DLG1: variants seen among roughly 807,000 people sequenced by gnomAD.
The protein encoded by DLG1 is disks large homolog 1.
In DLG1, 42 loss-of-function variants were observed where a neutral mutation model predicts 123.4. The observed-to-expected ratio is 0.34, with a 90% CI of 0.27 to 0.44. DLG1 has a LOEUF of 0.44. Among genes scored for constraint, DLG1 ranks in the 20% least tolerant of loss-of-function variants. DLG1 has a pLI of 1.00. For missense variants in DLG1, 942 were observed against 1,082.6 expected, an observed-to-expected ratio of 0.87 and a Z score of 1.82; for synonymous variants, 317 against 356.2, an observed-to-expected ratio of 0.89 and a Z score of 1.24.
chr3:197,224,399 G>A (rs887552103), intron 4 of DLG1, among the ~76,000 whole-genome samples: 9 of 152,132 alleles, frequency 5.9e-5, no homozygotes, highest in Middle Eastern at 6.8e-3. Flanking sequence ...ATTTTTTACA[G>A]TGATTAGCTT....
At chr3:197,149,198 C>T (rs1490256466) in intron 6 of DLG1, among the ~76,000 whole-genome samples, 1 of 152,144 alleles carries the variant, frequency 6.6e-6, no homozygotes, top group East Asian at 1.9e-4. Context: ...TACCTATTAG[C>T]AGTCACTCCC....
intron 22 of DLG1, among the ~76,000 whole-genome samples, chr3:197,060,290 C>A (rs948257617): frequency 6.6e-6 from 1 of 152,132 alleles, no homozygotes; most frequent in South Asian, 2.1e-4. Flanking sequence ...TAGAGCTCCC[C>A]CGCCGTTCCC....
rs1312642268 is a variant in DLG1 at position 197,215,139 on chromosome 3, C to A, written c.319-20550G>T. On this transcript the variant is annotated intron_variant, in intron 4 of 24. Coordinates refer to ENST00000667157, the MANE Select transcript of DLG1 (RefSeq NM_001366207.1). ...TACAAATGATATTACTATTTGTATA[C>A]AAATACAATTAAAACTGGTATTATT... 8.5e-5 allele frequency among the ~76,000 whole-genome samples: 13 copies of A among 152,150 alleles called. No individual in the cohort carries two copies. In the East Asian group the frequency reaches 2.1e-3, roughly 25 times the overall value.
At chr3:197,224,869 A>G (rs1487475472) in intron 4 of DLG1, among the ~76,000 whole-genome samples, 1 of 152,230 alleles carries the variant, frequency 6.6e-6, no homozygotes, top group Admixed American at 6.5e-5. Flanking sequence ...GTTCGATTCA[A>G]AACAATACCT....
At chr3:197,150,315 C>T (rs921099904) in intron 5 of DLG1, among the ~76,000 whole-genome samples, 3 of 151,980 alleles carry the variant, frequency 2.0e-5, no homozygotes, top group Non-Finnish European at 4.4e-5. Flanking sequence ...TTATTTTCAG[C>T]TGCAATGACT....
intron 5 of DLG1, among the ~76,000 whole-genome samples, chr3:197,169,695 A>T (rs779070596): frequency 3.5e-4 from 54 of 152,318 alleles, no homozygotes; most frequent in Non-Finnish European, 6.5e-4. Flanking sequence ...TTACATTAAC[A>T]CGTTATATGA....
intron 14 of DLG1, among the ~76,000 whole-genome samples, chr3:197,099,453 T>C (rs1196524223): frequency 1.3e-5 from 2 of 152,226 alleles, no homozygotes; most frequent in Non-Finnish European, 2.9e-5. Flanking sequence ...GCTATAATTT[T>C]ACATAAGAGA....
At chr3:197,230,998 A>G (rs938687769) in intron 4 of DLG1, among the ~76,000 whole-genome samples, 5 of 152,250 alleles carry the variant, frequency 3.3e-5, no homozygotes, top group South Asian at 4.1e-4. Context: ...ACTAGTTGCT[A>G]TAACACCTAA....
chr3:197,257,297 A>T (rs928236541), intron 4 of DLG1, among the ~76,000 whole-genome samples: 3 of 152,158 alleles, frequency 2.0e-5, no homozygotes, highest in African/African-American at 7.2e-5. Flanking sequence ...ATAAACCAAA[A>T]CAATTCAACA....
chr3:197,099,574 T>A (rs1762384670), intron 14 of DLG1, among the ~76,000 whole-genome samples: 1 of 152,206 alleles, frequency 6.6e-6, no homozygotes, highest in African/African-American at 2.4e-5. Context: ...TATACGCTTA[T>A]ACAAGGAGAG....
chr3:197,279,220 AAAGTAGC>A (rs1188526613), intron 4 of DLG1, among the ~76,000 whole-genome samples: 1 of 152,210 alleles, frequency 6.6e-6, no homozygotes, highest in East Asian at 1.9e-4. Context: ...GCACCTTCAA[AAAGTAGC>A]AATTAAATCC....
chr3:197,059,902 T>C lies in DLG1; in HGVS notation c.2470A>G (p.Met824Val), dbSNP rs1338921032. 1 of 1,611,672 alleles carries C rather than the reference T, an allele frequency of 6.2e-7. No homozygotes were observed. Among genetic ancestry groups the C allele is most frequent in the East Asian group, 2.2e-5 (1 of 44,782 alleles). The change falls in exon 23 of 25, where the codon ATG becomes GTG. Residue 824 changes from methionine (M) to valine (V), a missense_variant. Met to Val is a conservative substitution (Grantham distance 21, BLOSUM62 1). Transcript: ENST00000667157. The part of the protein sequence containing the change: ...PISIFIKPKS[M>V]ENIMEMNKRL... ...ATTTACACTTACATGATATTTTCCA[T>C]GGATTTGGGTTTAATAAAAATGGAG... is the stretch of plus-strand genomic sequence containing the variant.
chr3:197,260,624 T>G (rs1050893321), intron 4 of DLG1, among the ~76,000 whole-genome samples: 2 of 151,984 alleles, frequency 1.3e-5, no homozygotes, highest in African/African-American at 4.8e-5. Flanking sequence ...CATTAATCCC[T>G]CTTTTCAAGA....
intron 4 of DLG1, among the ~76,000 whole-genome samples, chr3:197,227,474 C>A (rs1424575618): frequency 6.7e-6 from 1 of 148,154 alleles, no homozygotes; most frequent in East Asian, 2.0e-4. Flanking sequence ...GACTCCATCT[C>A]AAAAAAAAAC....
chr3:197,105,904 C>T (rs1272810429), intron 13 of DLG1, among the ~76,000 whole-genome samples: 3 of 152,030 alleles, frequency 2.0e-5, no homozygotes, highest in African/African-American at 4.8e-5. Flanking sequence ...TGGAAAGGAA[C>T]GATCATCATG....
chr3:197,126,663 G>C (rs1473261010), intron 11 of DLG1, among the ~76,000 whole-genome samples: 4 of 152,140 alleles, frequency 2.6e-5, no homozygotes, highest in Non-Finnish European at 2.9e-5. Context: ...GTATATGTAA[G>C]AATTTCAAAT....
rs80223380 is a variant in DLG1 at position 197,249,865 on chromosome 3, C to A, written c.318+32814G>T. ...AAAGCACTTGATAAAATTCAATATACCTTTGTGATAAAAACCGGTAACAAA... is the reference window on the plus strand; with the variant it reads ...AAAGCACTTGATAAAATTCAATATAACTTTGTGATAAAAACCGGTAACAAA... On this transcript the variant is annotated intron_variant, in intron 4 of 24. Transcript: ENST00000667157. Among the ~76,000 whole-genome samples the A allele has an allele frequency of 8.4e-3, 1,273 of 152,240 alleles. 36 individuals carry two copies. In the East Asian group the frequency reaches 0.095, roughly 11 times the overall value.
At chr3:197,180,069 G>T (rs1404615676) in intron 5 of DLG1, among the ~76,000 whole-genome samples, 766 of 39,492 alleles carry the variant, frequency 0.019, 15 homozygotes, top group South Asian at 0.065. Flanking sequence ...TTTTTTTTTG[G>T]GGGGGGGGGG....
rs560657531 is a variant in DLG1 at position 197,059,275 on chromosome 3, C to T, written c.2483+614G>A. Among the ~76,000 whole-genome samples, 9 of 152,280 alleles carry T rather than the reference C, an allele frequency of 5.9e-5. No individual in the cohort carries two copies. In the East Asian group the frequency reaches 1.2e-3, roughly 20 times the overall value. ...AATACTTCTTGCCTTAAAGTATATTCGTCAGCCATATAAAAATCAGCCTAG... is the reference window on the plus strand; with the variant it reads ...AATACTTCTTGCCTTAAAGTATATTTGTCAGCCATATAAAAATCAGCCTAG... On this transcript the variant is annotated intron_variant, in intron 23 of 24. Transcript: ENST00000667157.
Sources: gnomAD v4.1 joint callset for allele counts (sites outside exome capture counted in the v4.1 genomes callset) on GRCh38, gnomAD v4.1.1 for gene constraint, MANE v1.5 for transcripts, NCBI Gene and HGNC (gene_info 2026-07-23, HGNC 2026-07-21) for gene names.